The following PCDH15 variants were observed in gnomAD, a reference collection of about 807,000 sequenced individuals.
The protein encoded by PCDH15 is protocadherin-15.
Under a neutral mutation model 178.5 loss-of-function variants are expected in PCDH15, and 129 were observed. The ratio of observed to expected loss-of-function variants is 0.72; its 90% confidence interval spans 0.63 to 0.84. PCDH15 has a LOEUF of 0.84. Among genes scored for constraint, PCDH15 ranks in the 40% least tolerant of loss-of-function variants. PCDH15 has a pLI of 0.00. For synonymous variants in PCDH15, 800 were observed against 732.0 expected (o/e 1.09, Z -1.50); for missense variants, 2,230 against 2,099.9 (o/e 1.06, Z -1.21).
chr10:54,235,502 A>T (rs1031496084), intron 9 of PCDH15, among the ~76,000 whole-genome samples: 1 of 152,166 alleles, frequency 6.6e-6, no homozygotes, highest in Non-Finnish European at 1.5e-5. Flanking sequence ...TTATCTATAT[A>T]GATAATTGTC....
chr10:55,422,473 A>T (rs967662695), intron 2 of PCDH15, among the ~76,000 whole-genome samples: 1 of 151,884 alleles, frequency 6.6e-6, no homozygotes, highest in African/African-American at 2.4e-5. Flanking sequence ...CATTTTAGCC[A>T]AGGATGACAA....
At chr10:53,997,625 A>C (rs966725700) in intron 20 of PCDH15, among the ~76,000 whole-genome samples, 1 of 152,316 alleles carries the variant, frequency 6.6e-6, no homozygotes, top group East Asian at 1.9e-4. Flanking sequence ...AAAAATGTAT[A>C]TACTTTTCCA....
intron 2 of PCDH15, among the ~76,000 whole-genome samples, chr10:54,598,154 C>T (rs2092334724): frequency 6.6e-6 from 1 of 152,012 alleles, no homozygotes; most frequent in African/African-American, 2.4e-5. Context: ...ATCCTGATAA[C>T]AAAACCTGGC....
At chr10:54,270,993 C>T (rs1033934382) in intron 8 of PCDH15, among the ~76,000 whole-genome samples, 2 of 152,012 alleles carry the variant, frequency 1.3e-5, no homozygotes, top group African/African-American at 4.8e-5. Flanking sequence ...ATATTACCAA[C>T]ATATTATAGA....
At chr10:54,189,953 G>GTGTGTGTGTGTA (rs2048836059) in intron 11 of PCDH15, among the ~76,000 whole-genome samples, 1 of 151,376 alleles carries the variant, frequency 6.6e-6, no homozygotes, top group East Asian at 2.0e-4. Flanking sequence ...GTGTGTGTGT[G>GTGTGTGTGTGTA]TGTGTGTGTA....
intron 2 of PCDH15, among the ~76,000 whole-genome samples, chr10:55,049,285 GT>G (rs1412253345): frequency 6.6e-6 from 1 of 151,840 alleles, no homozygotes; most frequent in Admixed American, 6.6e-5. Flanking sequence ...GGGCCTATTT[GT>G]GTATGTCACT....
intron 3 of PCDH15, among the ~76,000 whole-genome samples, chr10:54,493,866 G>T (rs1161910184): frequency 1.3e-5 from 2 of 152,098 alleles, no homozygotes; most frequent in African/African-American, 4.8e-5. Context: ...ACTGGATTAA[G>T]AAAATGTGGC....
At chr10:53,866,939 G>C (rs1249958160) in intron 26 of PCDH15, 82 bp from the exon 27 acceptor site, 1 of 973,324 alleles carries the variant, frequency 1.0e-6, no homozygotes, top group Non-Finnish European at 1.6e-6. Context: ...TTGTTTGTAA[G>C]AATGAGGTTT....
At chr10:54,303,157 T>C (rs1409493775) in intron 8 of PCDH15, among the ~76,000 whole-genome samples, 3 of 152,144 alleles carry the variant, frequency 2.0e-5, no homozygotes, top group Non-Finnish European at 4.4e-5. Flanking sequence ...TTCCACCACC[T>C]AGCAGATGGG....
intron 6 of PCDH15, among the ~76,000 whole-genome samples, chr10:54,341,530 G>A (rs1162696392): frequency 6.6e-6 from 1 of 152,136 alleles, no homozygotes; most frequent in Non-Finnish European, 1.5e-5. Context: ...CTTTATAGCA[G>A]TGTGATAACA....
chr10:54,879,403 C>T (rs1484042308), intron 3 of PCDH15, among the ~76,000 whole-genome samples: 1 of 152,060 alleles, frequency 6.6e-6, no homozygotes, highest in Non-Finnish European at 1.5e-5. Flanking sequence ...CAAGCTTACA[C>T]ATGAGGGAGC....
chr10:55,534,297 G>A (rs1034493315), intron 2 of PCDH15, among the ~76,000 whole-genome samples: 1 of 151,962 alleles, frequency 6.6e-6, no homozygotes, highest in Non-Finnish European at 1.5e-5. Context: ...CTAAAGAATG[G>A]CAGAAGATAT....
chr10:54,917,249 T>A (rs1284945000), intron 2 of PCDH15, among the ~76,000 whole-genome samples: 1 of 152,172 alleles, frequency 6.6e-6, no homozygotes, highest in Non-Finnish European at 1.5e-5. Context: ...TTTAGAAGAT[T>A]TAGCCAATAG....
At chr10:54,380,675 C>CATATAT (rs1218220837) in intron 3 of PCDH15, among the ~76,000 whole-genome samples, 79 of 28,628 alleles carry the variant, frequency 2.8e-3, no homozygotes, top group African/African-American at 6.2e-3. Flanking sequence ...ATATATGCTC[C>CATATAT]ATATATATAT....
chr10:55,587,583 A>T (rs1842750264), intron 2 of PCDH15, among the ~76,000 whole-genome samples: 1 of 152,206 alleles, frequency 6.6e-6, no homozygotes, highest in Admixed American at 6.5e-5. Context: ...CAAAACCAAT[A>T]CATCAAAATC....
chr10:54,953,313 G>A (rs1490943456), intron 2 of PCDH15, among the ~76,000 whole-genome samples: 1 of 151,304 alleles, frequency 6.6e-6, no homozygotes, highest in East Asian at 1.9e-4. Context: ...TTGATGTGAT[G>A]AATTACATTA....
intron 2 of PCDH15, among the ~76,000 whole-genome samples, chr10:55,609,625 C>T (rs574639374): frequency 2.6e-5 from 4 of 152,106 alleles, no homozygotes; most frequent in Admixed American, 2.0e-4. Flanking sequence ...AGTTCATGTA[C>T]ACTGTCCATA....
chr10:55,283,952 C>T (rs1311844740), intron 1 of PCDH15, among the ~76,000 whole-genome samples: 5 of 150,120 alleles, frequency 3.3e-5, no homozygotes. Context: ...CTATGCAAAT[C>T]AAAATTAAGC....
chr10:55,061,292 T>A (rs1252361824), intron 2 of PCDH15, among the ~76,000 whole-genome samples: 1 of 152,026 alleles, frequency 6.6e-6, no homozygotes, highest in Non-Finnish European at 1.5e-5. Context: ...AGTTGTCAAA[T>A]AAGAATATGA....
Sources: allele counts gnomAD v4.1 joint callset (sites outside exome capture counted in the v4.1 genomes callset), GRCh38; gene constraint gnomAD v4.1.1; transcripts MANE v1.5; gene names NCBI Gene and HGNC (gene_info 2026-07-23, HGNC 2026-07-21).